Variants in ANKRD33B observed in about 807,000 individuals in gnomAD.
ANKRD33B encodes ankyrin repeat domain 33B.
ANKRD33B carries 6 observed loss-of-function variants against 21.5 expected under a neutral mutation model. The ratio of observed to expected loss-of-function variants is 0.28; its 90% CI spans 0.15 to 0.55. The LOEUF is 0.55. Ranked by LOEUF, ANKRD33B falls within the 20% of genes least tolerant of loss-of-function variation. ANKRD33B has a pLI of 0.94. For missense variants in ANKRD33B, 698 were observed against 747.2 expected (o/e 0.93, Z 0.77); for synonymous variants, 347 against 342.4 (o/e 1.01, Z -0.15).
intron 1 of ANKRD33B, among the ~76,000 whole-genome samples, chr5:10,588,474 A>ATTGTTAGATTTTGTT (rs367746162): frequency 4.8e-4 from 73 of 152,308 alleles, no homozygotes; most frequent in African/African-American, 1.6e-3. Flanking sequence ...CTCTTAGGAA[A>ATTGTTAGATTTTGTT]TTGTTAGATT....
chr5:10,570,955 G>A (rs1735171190), intron 1 of ANKRD33B, among the ~76,000 whole-genome samples: 1 of 149,850 alleles, frequency 6.7e-6, no homozygotes, highest in Non-Finnish European at 1.5e-5. Flanking sequence ...GAGAAAACAG[G>A]CATTTAGTTT....
chr5:10,649,587 T>C lies in ANKRD33B; in HGVS notation c.959T>C (p.Val320Ala). 4 of 1,528,584 alleles carry C rather than the reference T, an allele frequency of 2.6e-6. No individual in the cohort carries two copies. Among genetic ancestry groups the C allele is most frequent in the Non-Finnish European group, 3.5e-6 (4 of 1,142,740 alleles). 94.7% of individuals were successfully genotyped at this position (1,528,584 alleles called of 1,614,324 possible). ...ACCACGAGCCTCTACAGCCCCGCCG[T>C]GGCCATCGTGTGCCAGACCGTGTGC... ...RMTTSLYSPA[V>A]AIVCQTVCPE... is the part of the protein sequence containing the mutation. The change falls in exon 4 of 4, where the codon GTG (valine) becomes GCG (alanine). Residue 320 changes from valine (V) to alanine (A), a missense_variant. Val to Ala is a moderately conservative substitution (Grantham distance 64). Transcript: ENST00000296657.
chr5:10,609,511 C>T (rs1291771052), intron 1 of ANKRD33B, among the ~76,000 whole-genome samples: 2 of 152,128 alleles, frequency 1.3e-5, no homozygotes, highest in East Asian at 3.8e-4. Flanking sequence ...GTGATGCACT[C>T]CAGCAGGTAA....
rs970648651 is a variant in ANKRD33B at position 10,650,476 on chromosome 5, G to A, written c.*363G>A. ...ATCAAATTTGCAACGTTTTACAAGT[G>A]ATAGGGCCCCTTATATCCAAGGCAG... On this transcript the variant is annotated 3_prime_UTR_variant, in exon 4 of 4. Transcript: ENST00000296657. 6.2e-6 allele frequency: 1 copy of A among 161,182 alleles called. No homozygotes were observed. Among genetic ancestry groups the A allele is most frequent in the Non-Finnish European group, 1.3e-5 (1 of 74,326 alleles). 10.0% of individuals were successfully genotyped at this position (161,182 alleles called of 1,614,324 possible).
chr5:10,569,739 C>T (rs1204812413), intron 1 of ANKRD33B, among the ~76,000 whole-genome samples: 1 of 152,180 alleles, frequency 6.6e-6, no homozygotes, highest in South Asian at 2.1e-4. Flanking sequence ...GGGCTGGAGT[C>T]AGAGGAGGTC....
At chr5:10,573,273 C>T (rs1735241497) in intron 1 of ANKRD33B, among the ~76,000 whole-genome samples, 1 of 151,906 alleles carries the variant, frequency 6.6e-6, no homozygotes, top group African/African-American at 2.4e-5. Flanking sequence ...TGGAGACCAT[C>T]CTGGCTAACA....
At chr5:10,601,029 T>C (rs1735917472) in intron 1 of ANKRD33B, among the ~76,000 whole-genome samples, 1 of 152,170 alleles carries the variant, frequency 6.6e-6, no homozygotes, top group African/African-American at 2.4e-5. Context: ...GAATGTCATG[T>C]GGAAGCCACC....
intron 2 of ANKRD33B, 118 bp downstream of exon 2, chr5:10,618,580 A>G (rs1276359680): frequency 5.0e-5 from 68 of 1,367,716 alleles, no homozygotes; most frequent in Non-Finnish European, 6.5e-5. Context: ...ATGTCCTGCT[A>G]CCAAGGGGTG....
intron 2 of ANKRD33B, among the ~76,000 whole-genome samples, chr5:10,621,723 G>C (rs1298022635): frequency 6.6e-6 from 1 of 152,188 alleles, no homozygotes; most frequent in Non-Finnish European, 1.5e-5. Context: ...TGCAAAACTG[G>C]TTAATATCCT....
intron 2 of ANKRD33B, among the ~76,000 whole-genome samples, chr5:10,624,190 C>T (rs1736490304): frequency 6.9e-6 from 1 of 145,156 alleles, no homozygotes; most frequent in Non-Finnish European, 1.5e-5. Flanking sequence ...GGTGCAGTGG[C>T]ACAATCTCAG....
At chr5:10,585,409 G>C (rs992512427) in intron 1 of ANKRD33B, among the ~76,000 whole-genome samples, 1 of 152,212 alleles carries the variant, frequency 6.6e-6, no homozygotes, top group Non-Finnish European at 1.5e-5. Context: ...CTGATCTGTG[G>C]TCCTTAACTT....
At chr5:10,627,419 A>C (rs1394348662) in intron 2 of ANKRD33B, 1 of 152,234 alleles carries the variant, frequency 6.6e-6, no homozygotes, top group Admixed American at 6.5e-5. Context: ...GTGTGCTTGC[A>C]ACTTGTTATT....
Position 10,582,394 on chromosome 5 carries a change from G to C in ANKRD33B, c.366+17561G>C, listed in dbSNP as rs114885814. ...TCCTGTATCCAGTCATTTCCCAAGC[G>C]GGGGGGATGTCCACCATGATGGTCT... On this transcript the variant is annotated intron_variant, in intron 1 of 3. Transcript: ENST00000296657. Among the ~76,000 whole-genome samples, 8 of 152,200 alleles carry C rather than the reference G, an allele frequency of 5.3e-5. No individual in the cohort carries two copies. In the South Asian group the frequency reaches 6.2e-4, roughly 12 times the overall value.
At chr5:10,624,084 G>A (rs1260765426) in intron 2 of ANKRD33B, among the ~76,000 whole-genome samples, 1 of 139,460 alleles carries the variant, frequency 7.2e-6, no homozygotes, top group Non-Finnish European at 1.6e-5. Flanking sequence ...TTATTATAAT[G>A]TATTTTTTCT....
rs779752515 is a variant in ANKRD33B at position 10,649,738 on chromosome 5, G to C, written c.1110G>C (p.Arg370=). The C allele has an allele frequency of 4.1e-6, 6 of 1,476,748 alleles. No individual in the cohort carries two copies. The highest frequency in any genetic ancestry group is 1.4e-5 in the African/African-American group (1 of 69,856). The allele number at this position is 1,476,748 out of a possible 1,614,324, so 91.5% of individuals were successfully genotyped here. A position where few individuals can be genotyped will look rare whatever the true frequency, so the allele number is the denominator to read the frequency against. ...DEVGGAGQRG[R]TGQEDADSRE... Reference sequence around the variant, plus strand: ...TGGGGGGCGCGGGGCAGCGCGGGCGGACCGGACAGGAGGACGCGGACTCCC... The same window carrying C: ...TGGGGGGCGCGGGGCAGCGCGGGCGCACCGGACAGGAGGACGCGGACTCCC... The change falls in exon 4 of 4, where the codon CGG becomes CGC. Residue 370 remains arginine, a synonymous_variant. Coordinates refer to ENST00000296657, the MANE Select transcript of ANKRD33B (RefSeq NM_001164440.2).
At chr5:10,630,003 G>A (rs1579746642) in intron 2 of ANKRD33B, among the ~76,000 whole-genome samples, 2 of 152,206 alleles carry the variant, frequency 1.3e-5, no homozygotes, top group Admixed American at 6.5e-5. Flanking sequence ...AGATGGATCT[G>A]GAATTGGACT....
chr5:10,565,876 C>T (rs1282443984), intron 1 of ANKRD33B, among the ~76,000 whole-genome samples: 2 of 152,168 alleles, frequency 1.3e-5, no homozygotes, highest in African/African-American at 4.8e-5. Flanking sequence ...GCTTTTTGCT[C>T]AGGAGCCTGC....
chr5:10,593,732 C>G (rs999766952), intron 1 of ANKRD33B, among the ~76,000 whole-genome samples: 2 of 152,144 alleles, frequency 1.3e-5, no homozygotes, highest in Admixed American at 6.5e-5. Flanking sequence ...CTCCCCAACC[C>G]CTCACCCTGG....
chr5:10,634,115 G>A (rs1736799861), intron 2 of ANKRD33B, among the ~76,000 whole-genome samples: 1 of 152,190 alleles, frequency 6.6e-6, no homozygotes, highest in Non-Finnish European at 1.5e-5. Flanking sequence ...CAAATGGGAG[G>A]TTGATATTAT....
Sources: gnomAD v4.1 joint callset for allele counts (sites outside exome capture counted in the v4.1 genomes callset) on GRCh38, gnomAD v4.1.1 for gene constraint, MANE v1.5 for transcripts, NCBI Gene and HGNC (gene_info 2026-07-23, HGNC 2026-07-21) for gene names.